FRMD6: variants seen among roughly 807,000 people sequenced by gnomAD.
The protein encoded by FRMD6 is FERM domain containing 6, also known as FERM domain-containing protein 6.
In FRMD6, 37 loss-of-function variants were observed where a neutral mutation model predicts 73.2. The observed-to-expected ratio is 0.51, with a 90% CI of 0.39 to 0.66. FRMD6 has a LOEUF of 0.66. Among genes scored for constraint, FRMD6 ranks in the 30% least tolerant of loss-of-function variants. The pLI, the probability that FRMD6 is intolerant of heterozygous loss-of-function variation, is 0.00. For missense variants in FRMD6, 714 were observed against 780.5 expected, an observed-to-expected ratio of 0.91 and a Z score of 1.02; for synonymous variants, 273 against 282.2, an observed-to-expected ratio of 0.97 and a Z score of 0.33.
chr14:51,568,449 T>C (rs555332122), intron 1 of FRMD6, among the ~76,000 whole-genome samples: 1 of 152,328 alleles, frequency 6.6e-6, no homozygotes, highest in South Asian at 2.1e-4. Context: ...AAGAAATGAG[T>C]GACCACTATC....
chr14:51,618,204 GA>G (rs1381321126), intron 2 of FRMD6, among the ~76,000 whole-genome samples: 1 of 152,130 alleles, frequency 6.6e-6, no homozygotes, highest in African/African-American at 2.4e-5. Context: ...TTAGAAGACT[GA>G]CATTTTATTA....
chr14:51,539,128 G>A (rs573313083), intron 1 of FRMD6, among the ~76,000 whole-genome samples: 1 of 152,074 alleles, frequency 6.6e-6, no homozygotes, highest in African/African-American at 2.4e-5. Context: ...GAATTCCACC[G>A]TTTTTGACCT....
chr14:51,622,538 T>A (rs1890963882), intron 2 of FRMD6, among the ~76,000 whole-genome samples: 1 of 152,150 alleles, frequency 6.6e-6, no homozygotes, highest in African/African-American at 2.4e-5. Context: ...TCATTGTATG[T>A]TTGTGAGCTT....
At chr14:51,707,628 A>G (rs1896698377) in intron 6 of FRMD6, among the ~76,000 whole-genome samples, 1 of 152,170 alleles carries the variant, frequency 6.6e-6, no homozygotes, top group South Asian at 2.1e-4. Context: ...CCTTCTTTTG[A>G]TTAACATTTA....
chr14:51,720,662 G>A (rs556095705), intron 11 of FRMD6: 2 of 460,390 alleles, frequency 4.3e-6, no homozygotes, highest in Non-Finnish European at 8.0e-6. Context: ...AATTAGTCCT[G>A]CTGCCCTTGT....
At chr14:51,509,942 A>G (rs563549240) in intron 1 of FRMD6, among the ~76,000 whole-genome samples, 1 of 152,292 alleles carries the variant, frequency 6.6e-6, no homozygotes, top group South Asian at 2.1e-4. Context: ...TATATACTTT[A>G]AATAAGCCCT....
the FRMD6 span, among the ~76,000 whole-genome samples, chr14:51,474,940 C>A: frequency 6.6e-6 from 1 of 152,262 alleles, no homozygotes; most frequent in Admixed American, 6.5e-5. Flanking sequence ...AGATATTTTT[C>A]TAAACTGAGG....
chr14:51,635,227 C>A (rs1468572305), intron 2 of FRMD6, among the ~76,000 whole-genome samples: 1 of 152,226 alleles, frequency 6.6e-6, no homozygotes, highest in East Asian at 1.9e-4. Context: ...CAATTCAATT[C>A]AAATAAATAA....
rs1888855249 is a variant in FRMD6 at position 51,583,579 on chromosome 14, A to G, written c.-147+13169A>G. 2.0e-5 allele frequency among the ~76,000 whole-genome samples: 3 copies of G among 152,222 alleles called. No homozygotes were observed. In the South Asian group the frequency reaches 6.2e-4, roughly 32 times the overall value. On this transcript the variant is annotated intron_variant, in intron 2 of 14. Coordinates refer to the FRMD6 transcript ENST00000356218. ...TAACACATATATTAAACTTCACAAC[A>G]ATCTTACCAAGTAGCCACTCTTACA...
the FRMD6 span, among the ~76,000 whole-genome samples, chr14:51,406,434 T>C: frequency 6.6e-6 from 1 of 152,170 alleles, no homozygotes. Context: ...TTTAATGATA[T>C]TGATTCTTCC....
At chr14:51,409,980 A>C in the FRMD6 span, among the ~76,000 whole-genome samples, 1 of 152,140 alleles carries the variant, frequency 6.6e-6, no homozygotes, top group Non-Finnish European at 1.5e-5. Flanking sequence ...GTCATATCTC[A>C]AACTTCTTGA....
intron 1 of FRMD6, among the ~76,000 whole-genome samples, chr14:51,518,157 A>T (rs1186920699): frequency 1.3e-5 from 2 of 152,370 alleles, no homozygotes; most frequent in Admixed American, 1.3e-4. Flanking sequence ...GGAATTGGTG[A>T]AGCATTATAT....
At chr14:51,618,181 G>A (rs1890787038) in intron 2 of FRMD6, among the ~76,000 whole-genome samples, 1 of 152,060 alleles carries the variant, frequency 6.6e-6, no homozygotes, top group African/African-American at 2.4e-5. Context: ...CCTTAGTCTG[G>A]GTGTAAAACT....
intron 1 of FRMD6, among the ~76,000 whole-genome samples, chr14:51,518,014 A>T (rs2140283473): frequency 6.6e-6 from 1 of 152,332 alleles, no homozygotes; most frequent in African/African-American, 2.4e-5. Context: ...CATACAAACA[A>T]TTAAGGAAAT....
At chr14:51,622,929 C>T (rs1890978519) in intron 2 of FRMD6, among the ~76,000 whole-genome samples, 1 of 152,108 alleles carries the variant, frequency 6.6e-6, no homozygotes, top group Admixed American at 6.5e-5. Flanking sequence ...TCAAGCTCGG[C>T]TAATTTTTTA....
intron 2 of FRMD6, among the ~76,000 whole-genome samples, chr14:51,623,101 C>A (rs190669884): frequency 6.6e-6 from 1 of 152,202 alleles, no homozygotes; most frequent in Non-Finnish European, 1.5e-5. Context: ...ACAAATAATA[C>A]TTGCTCCTCC....
intron 11 of FRMD6, among the ~76,000 whole-genome samples, chr14:51,721,485 C>G (rs1594784679): frequency 6.6e-6 from 1 of 152,140 alleles, no homozygotes; most frequent in Admixed American, 6.5e-5. Context: ...TGGCGCGCGT[C>G]TTCAGTCCCA....
intron 2 of FRMD6, among the ~76,000 whole-genome samples, chr14:51,608,897 G>A (rs1361470040): frequency 6.6e-6 from 1 of 152,182 alleles, no homozygotes; most frequent in African/African-American, 2.4e-5. Flanking sequence ...ACAATGCAGG[G>A]TGACAAATAA....
At chr14:51,404,676 A>G in the FRMD6 span, among the ~76,000 whole-genome samples, 3 of 152,146 alleles carry the variant, frequency 2.0e-5, no homozygotes, top group Non-Finnish European at 2.9e-5. Context: ...GTATTCTGCA[A>G]TGCTTTCTCT....
Sources: gnomAD v4.1 joint callset for allele counts (sites outside exome capture counted in the v4.1 genomes callset) on GRCh38, gnomAD v4.1.1 for gene constraint, MANE v1.5 for transcripts, NCBI Gene and HGNC (gene_info 2026-07-23, HGNC 2026-07-21) for gene names.